SEL1L2: variants seen among roughly 807,000 people sequenced by gnomAD.
The protein encoded by SEL1L2 is SEL1L2 adaptor subunit of SYVN1 ubiquitin ligase.
In SEL1L2, 89 loss-of-function variants were observed where a neutral mutation model predicts 98.8. The ratio of observed to expected loss-of-function variants is 0.90; its 90% confidence interval spans 0.76 to 1.07. SEL1L2 has a LOEUF of 1.07. SEL1L2 is among the 50% of genes least tolerant of loss of function. SEL1L2 has a pLI of 0.00. For missense variants in SEL1L2, 788 were observed against 812.0 expected, an observed-to-expected ratio of 0.97 and a Z score of 0.36; for synonymous variants, 262 against 278.5, an observed-to-expected ratio of 0.94 and a Z score of 0.59.
At chr20:13,955,913 C>A (rs566423014) in intron 2 of SEL1L2, among the ~76,000 whole-genome samples, 163 bp downstream of exon 2, 1 of 151,854 alleles carries the variant, frequency 6.6e-6, no homozygotes, top group African/African-American at 2.4e-5. Context: ...TATCCTCTCA[C>A]GGTTGACTAA....
chr20:13,904,183 T>C (rs2047814051), intron 5 of SEL1L2, among the ~76,000 whole-genome samples: 1 of 152,244 alleles, frequency 6.6e-6, no homozygotes, highest in Non-Finnish European at 1.5e-5. Flanking sequence ...ACATGCAGTT[T>C]ATAAGCATAA....
At chr20:13,942,769 A>C (rs561823469) in intron 2 of SEL1L2, among the ~76,000 whole-genome samples, 19 of 152,338 alleles carry the variant, frequency 1.2e-4, no homozygotes, top group African/African-American at 4.3e-4. Flanking sequence ...CTAGGTCTTA[A>C]ATAAATGCAT....
intron 14 of SEL1L2, among the ~76,000 whole-genome samples, chr20:13,867,405 T>C (rs2045976550): frequency 1.3e-5 from 2 of 152,254 alleles, no homozygotes; most frequent in Non-Finnish European, 1.5e-5. Flanking sequence ...CTCTCATTAG[T>C]TCTTTTGTGA....
intron 3 of SEL1L2, among the ~76,000 whole-genome samples, chr20:13,921,715 A>C (rs2048675670): frequency 2.0e-5 from 3 of 152,142 alleles, no homozygotes; most frequent in Non-Finnish European, 4.4e-5. Flanking sequence ...AAAGCAAAAA[A>C]ATGTATTTAT....
intron 2 of SEL1L2, among the ~76,000 whole-genome samples, chr20:13,948,819 G>T (rs550387553): frequency 1.3e-5 from 2 of 152,290 alleles, no homozygotes; most frequent in South Asian, 4.1e-4. Context: ...AAGGAAGAAG[G>T]CTTTAATGAG....
intron 1 of SEL1L2, among the ~76,000 whole-genome samples, chr20:13,974,667 C>T (rs557083063): frequency 6.6e-5 from 10 of 151,798 alleles, no homozygotes; most frequent in South Asian, 2.1e-4. Flanking sequence ...TTAGTAGAGA[C>T]GGGGTCTCAC....
chr20:13,909,999 A>AAAC (rs906793844), intron 5 of SEL1L2, among the ~76,000 whole-genome samples: 23 of 152,106 alleles, frequency 1.5e-4, no homozygotes, highest in African/African-American at 5.1e-4. Flanking sequence ...AAACCAAAAC[A>AAAC]AACAACAACA....
chr20:13,874,955 A>AT (rs1344635979), intron 12 of SEL1L2, among the ~76,000 whole-genome samples: 2 of 152,134 alleles, frequency 1.3e-5, no homozygotes, highest in African/African-American at 4.8e-5. Context: ...GGATGAGGGC[A>AT]TTTTTTATGC....
At chr20:13,915,111 G>A (rs1280397532) in intron 4 of SEL1L2, 1 of 1,288,140 alleles carries the variant, frequency 7.8e-7, no homozygotes, top group Non-Finnish European at 1.0e-6. Context: ...AGGAGGATCA[G>A]GAGACTCACC....
intron 1 of SEL1L2, among the ~76,000 whole-genome samples, chr20:13,974,136 T>C (rs1034907510): frequency 6.6e-6 from 1 of 152,152 alleles, no homozygotes; most frequent in Non-Finnish European, 1.5e-5. Context: ...AAAAGCTGCT[T>C]TGATGTTCAG....
intron 1 of SEL1L2, among the ~76,000 whole-genome samples, chr20:13,962,064 C>T (rs1052014826): frequency 4.6e-5 from 7 of 152,042 alleles, no homozygotes; most frequent in East Asian, 1.9e-4. Context: ...TGATGGATTC[C>T]GAGCTTGATG....
At chr20:13,871,036 G>T (rs1285224427) in intron 12 of SEL1L2, among the ~76,000 whole-genome samples, 1 of 152,108 alleles carries the variant, frequency 6.6e-6, no homozygotes, top group Non-Finnish European at 1.5e-5. Flanking sequence ...GTTGTCAGGG[G>T]TGGTGACATT....
intron 1 of SEL1L2, among the ~76,000 whole-genome samples, chr20:13,979,459 A>T (rs374623734): frequency 6.6e-6 from 1 of 152,214 alleles, no homozygotes; most frequent in East Asian, 1.9e-4. Context: ...CTAATAACTG[A>T]TTTGATCATT....
At chr20:13,872,709 TGGGATCCCA>T (rs2046258778) in intron 12 of SEL1L2, among the ~76,000 whole-genome samples, 1 of 152,072 alleles carries the variant, frequency 6.6e-6, no homozygotes, top group African/African-American at 2.4e-5. Flanking sequence ...AGGGAGTCCC[TGGGATCCCA>T]GGGACTCAGT....
intron 11 of SEL1L2, among the ~76,000 whole-genome samples, chr20:13,877,031 G>A (rs1432758357): frequency 6.6e-6 from 1 of 151,982 alleles, no homozygotes; most frequent in African/African-American, 2.4e-5. Context: ...CACCATGTTG[G>A]CCAGGCTGGT....
chr20:13,936,299 C>A (rs1379797927), intron 2 of SEL1L2, among the ~76,000 whole-genome samples: 1 of 152,152 alleles, frequency 6.6e-6, no homozygotes, highest in Non-Finnish European at 1.5e-5. Context: ...ATGATAATAG[C>A]CCTTCCCAAA....
chr20:13,906,986 T>G (rs2047961676), intron 5 of SEL1L2, among the ~76,000 whole-genome samples: 1 of 152,160 alleles, frequency 6.6e-6, no homozygotes, highest in Non-Finnish European at 1.5e-5. Context: ...GCCTTATAAT[T>G]TCAATTTGAA....
chr20:13,966,879 CTTTT>C (rs35292120), intron 1 of SEL1L2, among the ~76,000 whole-genome samples: 1 of 104,138 alleles, frequency 9.6e-6, no homozygotes, highest in Non-Finnish European at 1.8e-5. Flanking sequence ...AGAGACCTGT[CTTTT>C]TTTTTTTTTT....
At chr20:13,984,305 C>T (rs979484304) in intron 1 of SEL1L2, among the ~76,000 whole-genome samples, 6 of 152,194 alleles carry the variant, frequency 3.9e-5, no homozygotes, top group African/African-American at 7.2e-5. Flanking sequence ...AGCCACCGCA[C>T]TCAGCCTTGA....
Sources: allele counts gnomAD v4.1 joint callset (sites outside exome capture counted in the v4.1 genomes callset), GRCh38; gene constraint gnomAD v4.1.1; transcripts MANE v1.5; gene names NCBI Gene and HGNC (gene_info 2026-07-23, HGNC 2026-07-21).